LPIN1: variants seen among roughly 807,000 people sequenced by gnomAD.
The protein encoded by LPIN1 is phosphatidate phosphatase LPIN1.
LPIN1 carries 71 observed loss-of-function variants against 107.5 expected under a neutral mutation model. The ratio of observed to expected loss-of-function variants is 0.66; its 90% CI spans 0.55 to 0.80. The LOEUF is 0.80. Ranked by LOEUF, LPIN1 falls within the 30% of genes least tolerant of loss-of-function variation. LPIN1 has a pLI of 0.00. For missense variants in LPIN1, 1,043 were observed against 1,160.6 expected (o/e 0.90, Z 1.47); for synonymous variants, 445 against 452.6 (o/e 0.98, Z 0.21).
intron 18 of LPIN1, 29 bp downstream of exon 18, chr2:11,815,269 CT>C (rs748689882): frequency 1.2e-6 from 2 of 1,613,120 alleles, no homozygotes; most frequent in African/African-American, 2.7e-5. Flanking sequence ...GCACCTCCAT[CT>C]GTGAGCCTGT....
At chr2:11,722,839 T>G (rs1441622454), upstream of LPIN1, among the ~76,000 whole-genome samples, 1 of 152,206 alleles carries the variant, frequency 6.6e-6, no homozygotes, top group African/African-American at 2.4e-5. Context: ...GAACAAATGA[T>G]TGGTGAATAT....
At position 11,771,325 on chromosome 2, in the gene LPIN1, T is replaced by C. The variant is rs780010473; in HGVS notation, c.289-47T>C. On this transcript the variant is annotated intron_variant, in intron 3 of 20. Transcript: ENST00000674199. The surrounding 1 kb of genome is among the most constrained non-coding windows in gnomAD (Gnocchi z 4.8). ...GCCTCTGGCAAGGCCCTGCTTCTTA[T>C]ACCTGAATTAACGAGGCTCTTTTTA... 5.6e-6 allele frequency: 9 copies of C among 1,594,736 alleles called. No homozygotes were observed. The highest frequency in any genetic ancestry group is 4.0e-5 in the African/African-American group (3 of 74,562).
rs912695478 is a variant in LPIN1, at chr2:11,741,384, C to T, written c.-36C>T. On this transcript the variant is annotated 5_prime_UTR_variant, in exon 2 of 22. Coordinates refer to the LPIN1 transcript ENST00000396097. ...AGCGTGAGCTGCCAGAATTCAAGGC[C>T]ACCTGCTTAACAGAAGACAACTAGA... 1.2e-5 allele frequency: 18 copies of T among 1,550,038 alleles called. No individual in the cohort carries two copies. The African/African-American group carries it at 2.1e-4, about 18-fold the overall frequency.
At chr2:11,741,136 A>T (rs1300039864) in intron 1 of LPIN1, 3 of 410,838 alleles carry the variant, frequency 7.3e-6, no homozygotes, top group Non-Finnish European at 8.6e-6. Context: ...GCCCTGTGAA[A>T]TTCTCCCTGG....
rs560602519 is a variant in LPIN1, at chr2:11,712,741, C to T, written c.82-1015C>T. ...ATTCTGGGCTGCTGGCAGTTGAACT[C>T]AGAGCACACATGTTTTTGAGTATAA... On this transcript the variant is annotated intron_variant, in intron 1 of 21. Transcript: ENST00000449576. Among the ~76,000 whole-genome samples the T allele has an allele frequency of 2.0e-5, 3 of 152,250 alleles. No individual in the cohort carries two copies. The East Asian group carries it at 5.8e-4, about 29-fold the overall frequency.
intron 1 of LPIN1, among the ~76,000 whole-genome samples, chr2:11,739,827 G>C (rs1666155452): frequency 6.6e-6 from 1 of 152,224 alleles, no homozygotes; most frequent in Admixed American, 6.5e-5. Context: ...AGAATTAGAT[G>C]AGGGTGTTAA....
chr2:11,682,968 C>T (rs1047736420), intron 1 of LPIN1: 1 of 152,190 alleles, frequency 6.6e-6, no homozygotes, highest in Admixed American at 6.5e-5. Context: ...TGTAGGCTTC[C>T]CTCACCCAAA....
At chr2:11,679,554 G>A (rs955882572) in intron 1 of LPIN1, among the ~76,000 whole-genome samples, 1 of 152,196 alleles carries the variant, frequency 6.6e-6, no homozygotes, top group African/African-American at 2.4e-5. Context: ...CAGAGAGGAT[G>A]TCAAACCCGC....
chr2:11,732,593 C>T (rs116339868), intron 1 of LPIN1, among the ~76,000 whole-genome samples: 1 of 152,226 alleles, frequency 6.6e-6, no homozygotes, highest in Non-Finnish European at 1.5e-5. Flanking sequence ...ATACCTATTC[C>T]AAAGCAGTAT....
At chr2:11,740,145 C>T (rs1028705344) in intron 1 of LPIN1, among the ~76,000 whole-genome samples, 3 of 152,130 alleles carry the variant, frequency 2.0e-5, no homozygotes, top group Non-Finnish European at 4.4e-5. Flanking sequence ...GATGTCCAAG[C>T]GCGGGAGAAG....
chr2:11,751,818 C>T (rs1667839558), intron 1 of LPIN1, among the ~76,000 whole-genome samples: 1 of 152,132 alleles, frequency 6.6e-6, no homozygotes, highest in Non-Finnish European at 1.5e-5. Flanking sequence ...CGCCACTGCC[C>T]TCCAGCCTGA....
At chr2:11,752,978 G>T (rs191564405) in intron 1 of LPIN1, among the ~76,000 whole-genome samples, 50 of 152,314 alleles carry the variant, frequency 3.3e-4, no homozygotes, top group Non-Finnish European at 6.6e-4. Context: ...TGTCCGCAGT[G>T]CTGTCCTTTC....
intron 20 of LPIN1, among the ~76,000 whole-genome samples, chr2:11,821,896 C>T (rs981644977): frequency 2.4e-4 from 37 of 152,154 alleles, no homozygotes; most frequent in African/African-American, 7.2e-4. Flanking sequence ...CGAGGCAGTG[C>T]CAGGCTGCTT....
At chr2:11,758,439 C>CT (rs973918114) in intron 1 of LPIN1, among the ~76,000 whole-genome samples, 8 of 151,568 alleles carry the variant, frequency 5.3e-5, no homozygotes, top group African/African-American at 9.7e-5. Context: ...TATATTCTGT[C>CT]TTTTTTTTTC....
rs1399613114 is a variant in LPIN1, at chr2:11,771,264, C to G, written c.289-108C>G. The G allele has an allele frequency of 1.7e-5, 19 of 1,102,340 alleles. No homozygotes were observed. The highest frequency in any genetic ancestry group is 2.6e-5 in the Non-Finnish European group (19 of 730,282). The allele number at this position is 1,102,340 out of a possible 1,614,324, so 68.3% of individuals were successfully genotyped here. A position where few individuals can be genotyped will look rare whatever the true frequency, so the allele number is the denominator to read the frequency against. On this transcript the variant is annotated intron_variant, in intron 3 of 20. Transcript: ENST00000674199. The surrounding 1 kb of genome is among the most constrained non-coding windows in gnomAD (Gnocchi z 4.8). Reference sequence around the variant, plus strand: ...GCTGGGCCATCTGCTGTGGCCCTCCCCAGGAGGTGCTTGGCCTCTGAAGTG... The same window carrying G: ...GCTGGGCCATCTGCTGTGGCCCTCCGCAGGAGGTGCTTGGCCTCTGAAGTG...
intron 1 of LPIN1, among the ~76,000 whole-genome samples, chr2:11,733,412 A>G (rs1489259802): frequency 6.6e-6 from 1 of 152,136 alleles, no homozygotes; most frequent in African/African-American, 2.4e-5. Context: ...TGGCCTACAC[A>G]ATCATGCATT....
rs148412718 is a variant in LPIN1 at position 11,803,387 on chromosome 2, T to C, written c.2013+354T>C. On this transcript the variant is annotated intron_variant, in intron 15 of 20. Transcript: ENST00000674199. This position sits in a 1 kb window ranked among gnomAD's most constrained non-coding sequence, Gnocchi z 4.2. ...GTTTTTGCTTCAAGAGAGAGATGTT[T>C]GTTAACTCAAATGCATCTCTTAAGT... Among the ~76,000 whole-genome samples, 33 of 152,328 alleles carry C rather than the reference T, an allele frequency of 2.2e-4. No homozygotes were observed. The East Asian group carries it at 6.4e-3, about 29-fold the overall frequency.
chr2:11,719,099 T>C (rs574063656), intron 2 of LPIN1, among the ~76,000 whole-genome samples: 1 of 152,360 alleles, frequency 6.6e-6, no homozygotes, highest in East Asian at 1.9e-4. Flanking sequence ...AGCATTATTC[T>C]GTTTTTGTTT....
At chr2:11,706,132 A>C (rs1246848890) in intron 1 of LPIN1, among the ~76,000 whole-genome samples, 1 of 152,196 alleles carries the variant, frequency 6.6e-6, no homozygotes, top group Non-Finnish European at 1.5e-5. Context: ...TGGAACTGTT[A>C]AATTCATTAA....
Sources: allele counts gnomAD v4.1 joint callset (sites outside exome capture counted in the v4.1 genomes callset), GRCh38; gene constraint gnomAD v4.1.1; non-coding constraint Gnocchi (gnomAD v3.1); transcripts MANE v1.5; gene names NCBI Gene and HGNC (gene_info 2026-07-23, HGNC 2026-07-21).